The following RBBP8NL variants were observed in gnomAD, a reference collection of about 807,000 sequenced individuals.
RBBP8NL encodes RBBP8 N-terminal like.
RBBP8NL carries 59 observed loss-of-function variants against 62.2 expected under a neutral mutation model. That is an observed-to-expected ratio of 0.95 (90% confidence interval 0.77 to 1.18). The LOEUF (loss-of-function observed/expected upper bound fraction) is 1.18, where lower values mean the gene tolerates loss of function less well. Among genes scored for constraint, RBBP8NL ranks in the 50% most tolerant of loss-of-function variants. The pLI, the probability that RBBP8NL is intolerant of heterozygous loss-of-function variation, is 0.00. For synonymous variants in RBBP8NL, 412 were observed against 394.1 expected (o/e 1.05, Z -0.54); for missense variants, 896 against 899.5 (o/e 1.00, Z 0.05).
Position 62,417,211 on chromosome 20 carries a change from C to T in RBBP8NL, c.200+13G>A. 1 of 1,586,348 alleles carries T rather than the reference C, an allele frequency of 6.3e-7. No homozygotes were observed. Among genetic ancestry groups the T allele is most frequent in the East Asian group, 2.3e-5 (1 of 43,968 alleles). On this transcript the variant is annotated intron_variant, in intron 4 of 13. Coordinates refer to ENST00000252998, the MANE Select transcript of RBBP8NL (RefSeq NM_080833.3). ...GGTCCTGGCCATGCTGCGAGGTGTC[C>T]TCCCAGGCCCACCTGTTCTCCAGCA...
chr20:62,413,116 G>C (rs1428631258), intron 11 of RBBP8NL, among the ~76,000 whole-genome samples: 6 of 152,268 alleles, frequency 3.9e-5, no homozygotes, highest in Admixed American at 6.5e-5. Context: ...CCCCTGGCTT[G>C]GATGCTGCAT....
Position 62,417,982 on chromosome 20 carries a change from G to GC in RBBP8NL, c.104+440dup, listed in dbSNP as rs1227032118. ...GTGACGTCTGTCCTGTCCACACACC[G>GC]CCCCCCCTGTCATCTGCACGCTCCT... On this transcript the variant is annotated intron_variant, in intron 3 of 13. Coordinates refer to ENST00000252998, the MANE Select transcript of RBBP8NL (RefSeq NM_080833.3). Among the ~76,000 whole-genome samples the GC allele has an allele frequency of 1.0e-3, 85 of 83,334 alleles. 7 individuals carry two copies. Among genetic ancestry groups the GC allele is most frequent in the African/African-American group, 3.7e-3 (75 of 20,056 alleles). The allele number at this position is 83,334 out of a possible 152,430, so 54.7% of individuals were successfully genotyped here. A position where few individuals can be genotyped will look rare whatever the true frequency, so the allele number is the denominator to read the frequency against.
intron 1 of RBBP8NL, among the ~76,000 whole-genome samples, chr20:62,420,643 A>G (rs1320152357): frequency 6.6e-6 from 1 of 152,250 alleles, no homozygotes; most frequent in African/African-American, 2.4e-5. Flanking sequence ...CTGTGCAGAC[A>G]TAGAGACACA....
intron 1 of RBBP8NL, among the ~76,000 whole-genome samples, chr20:62,424,867 C>T (rs747643661): frequency 1.6e-4 from 24 of 152,138 alleles, no homozygotes; most frequent in Non-Finnish European, 2.5e-4. Context: ...TCTCAGAGCC[C>T]CAGCAGAGAG....
intron 10 of RBBP8NL, 96 bp from the exon 11 acceptor site, chr20:62,413,641 C>T (rs1056221552): frequency 3.5e-6 from 5 of 1,437,208 alleles, no homozygotes; most frequent in Admixed American, 2.6e-5. Context: ...CTTGAGGCTG[C>T]AGCTGGTGGA....
At chr20:62,425,566 C>A (rs1988786071) in intron 1 of RBBP8NL, among the ~76,000 whole-genome samples, 1 of 152,238 alleles carries the variant, frequency 6.6e-6, no homozygotes, top group African/African-American at 2.4e-5. Flanking sequence ...GATGCCTGTT[C>A]TTACCCTGTC....
At chr20:62,418,780 A>G (rs1346421176) in intron 2 of RBBP8NL, among the ~76,000 whole-genome samples, 1 of 151,966 alleles carries the variant, frequency 6.6e-6, no homozygotes, top group African/African-American at 2.4e-5. Context: ...CCGAGGGGCC[A>G]TTTTGTGTGT....
chr20:62,411,614 G>A (rs1390195432), intron 13 of RBBP8NL, among the ~76,000 whole-genome samples: 1 of 152,222 alleles, frequency 6.6e-6, no homozygotes, highest in Non-Finnish European at 1.5e-5. Flanking sequence ...CCACTCTTCT[G>A]GGGCACTAGG....
intron 2 of RBBP8NL, 34 bp downstream of exon 2, chr20:62,419,553 C>G: frequency 1.2e-6 from 2 of 1,610,834 alleles, no homozygotes; most frequent in Non-Finnish European, 8.5e-7. Flanking sequence ...GTGGAGACCC[C>G]TCCCTAGCCT....
Position 62,414,354 on chromosome 20 carries a change from G to A in RBBP8NL, c.997C>T (p.Pro333Ser). The change falls in exon 10 of 14, where the codon CCC becomes TCC. Residue 333 changes from proline to serine, a missense_variant. Transcript: ENST00000252998. ...KAREAEAWEE[P>S]TELLGLPSAL... ...CTGGGCAGCCCCAGCAGTTCTGTGG[G>A]CTCCTCCCAGGCCTCTGCTTCTCTG... 1 of 1,554,484 alleles carries A rather than the reference G, an allele frequency of 6.4e-7. No individual in the cohort carries two copies.
At chr20:62,425,698 C>T (rs908763873) in intron 1 of RBBP8NL, among the ~76,000 whole-genome samples, 31 of 152,244 alleles carry the variant, frequency 2.0e-4, no homozygotes, top group Non-Finnish European at 2.4e-4. Context: ...CACCAGTGCT[C>T]CAAGGACGTC....
rs568878182 is a variant in RBBP8NL at position 62,412,863 on chromosome 20, G to A, written c.1713C>T (p.Asp571=). ...CTGGGGTGTCTGTCTCATCCAGTTC[G>A]TCGGACTCTGGTCTCAGCACTTCAG... ...SKAEVLRPES[D]ELDETDTPGS... is the part of the protein sequence containing the mutation. Residue 571 remains aspartate (D), a synonymous_variant, in exon 12 of 14, where the codon GAC becomes GAT. Transcript: ENST00000252998. 2.5e-5 allele frequency: 41 copies of A among 1,613,512 alleles called. 1 individual carries two copies. The highest frequency in any genetic ancestry group is 2.1e-4 in the South Asian group (19 of 91,090).
chr20:62,415,280 TG>T lies in RBBP8NL; in HGVS notation c.634del (p.Gln212SerfsTer64). 2 of 1,570,830 alleles carry T rather than the reference TG, an allele frequency of 1.3e-6. No individual in the cohort carries two copies. The highest frequency in any genetic ancestry group is 8.6e-7 in the Non-Finnish European group (1 of 1,165,968). On this transcript the variant is annotated frameshift_variant, in exon 9 of 14. Coordinates refer to ENST00000252998, the MANE Select transcript of RBBP8NL (RefSeq NM_080833.3). LOFTEE classifies it high-confidence loss of function. ...PESRAPDMSP[Q>X]RISNQLHGTI... ...CCCGTGCAGCTGGTTGGAGATGCGC[TG>T]GGGGCTCTGTGAGGATGGGTGGGTC...
chr20:62,414,216 G>T lies in RBBP8NL; in HGVS notation c.1135C>A (p.Pro379Thr). The T allele has an allele frequency of 5.0e-6, 8 of 1,606,028 alleles. No homozygotes were observed. The highest frequency in any genetic ancestry group is 6.8e-6 in the Non-Finnish European group (8 of 1,177,620). The change falls in exon 10 of 14, where the codon CCC (proline) becomes ACC (threonine). Residue 379 changes from proline to threonine, a missense_variant. Transcript: ENST00000252998. Reference protein sequence around the residue: ...RAGSVRPRGQPTPGEMLPSLP... With the variant: ...RAGSVRPRGQTTPGEMLPSLP... Reference sequence around the variant, plus strand: ...GAGGGCAGCATCTCCCCGGGTGTGGGCTGGCCCCTTGGCCTGACACTGCCT... The same window carrying T: ...GAGGGCAGCATCTCCCCGGGTGTGGTCTGGCCCCTTGGCCTGACACTGCCT...
rs761243023 is a variant in RBBP8NL at position 62,414,331 on chromosome 20, G to T, written c.1020C>A (p.Pro340=). The change falls in exon 10 of 14, where the codon CCC becomes CCA. Residue 340 remains proline, a synonymous_variant. Coordinates refer to ENST00000252998, the MANE Select transcript of RBBP8NL (RefSeq NM_080833.3). The part of the protein sequence containing the change: ...WEEPTELLGL[P]SALAGMQDLR... ...GGTCCTGCATGCCCGCCAGGGCACT[G>T]GGCAGCCCCAGCAGTTCTGTGGGCT... is the stretch of plus-strand genomic sequence containing the variant. 1 of 1,558,702 alleles carries T rather than the reference G, an allele frequency of 6.4e-7. No homozygotes were observed.
chr20:62,417,367 C>T lies in RBBP8NL; in HGVS notation c.105-48G>A, dbSNP rs374300993. The T allele has an allele frequency of 2.8e-6, 4 of 1,440,130 alleles. No homozygotes were observed. In the East Asian group the frequency reaches 9.8e-5, roughly 35 times the overall value. 89.2% of individuals were successfully genotyped at this position (1,440,130 alleles called of 1,614,324 possible). On this transcript the variant is annotated intron_variant, in intron 3 of 13. Coordinates refer to ENST00000252998, the MANE Select transcript of RBBP8NL (RefSeq NM_080833.3). ...TGGGGTCCTGTTCCATCCAGGAAGCCACACGCTGTCCCCACCATCCAGCCT... is the reference window on the plus strand; with the variant it reads ...TGGGGTCCTGTTCCATCCAGGAAGCTACACGCTGTCCCCACCATCCAGCCT...
At position 62,415,906 on chromosome 20, in the gene RBBP8NL, G is replaced by T. The variant is rs771405515; in HGVS notation, c.426C>A (p.Asp142Glu). Reference protein sequence around the residue: ...PKPRAKEGTSDPPSPLLLPSP... With the variant: ...PKPRAKEGTSEPPSPLLLPSP... ...AGGGGAGCAGCAGGGGTGAGGGGGG[G>T]TCCGAGGTGCCCTCCTTGGCCCGGG... The change falls in exon 7 of 14, where the codon GAC becomes GAA. Residue 142 changes from aspartate (D) to glutamate (E), a missense_variant. By Grantham distance (45) the Asp-to-Glu change is conservative. Coordinates refer to ENST00000252998, the MANE Select transcript of RBBP8NL (RefSeq NM_080833.3). The T allele has an allele frequency of 2.5e-6, 4 of 1,584,798 alleles. No homozygotes were observed. Among genetic ancestry groups the T allele is most frequent in the East Asian group, 2.3e-5 (1 of 42,954 alleles).
At position 62,416,803 on chromosome 20, in the gene RBBP8NL, G is replaced by T. The variant is rs1358370023; in HGVS notation, c.270C>A (p.Phe90Leu). Residue 90 changes from phenylalanine (F) to leucine (L), a missense_variant, in exon 5 of 14, where the codon TTC (phenylalanine) becomes TTA (leucine). By Grantham distance (22) the Phe-to-Leu change is conservative. Transcript: ENST00000252998. ...GCAGGTTCTGCAGGTGGGAGCTCTCGAACTCCTGCTGCCGCTTCCTGGCCA... is the reference window on the plus strand; with the variant it reads ...GCAGGTTCTGCAGGTGGGAGCTCTCTAACTCCTGCTGCCGCTTCCTGGCCA... ...QELARKRQQE[F>L]ESSHLQNLQR... 6.3e-7 allele frequency: 1 copy of T among 1,590,300 alleles called. No homozygotes were observed. Among genetic ancestry groups the T allele is most frequent in the Non-Finnish European group, 8.6e-7 (1 of 1,168,208 alleles).
In RBBP8NL at chr20:62,420,350, G is replaced by A. The variant is rs1297578662; in HGVS notation, c.-83-620C>T. On this transcript the variant is annotated intron_variant, in intron 1 of 13. Transcript: ENST00000252998. ...TGGCAGCTTCAATCCTGTCCCACAGGCACACACACACACACACACACACAC... is the reference window on the plus strand; with the variant it reads ...TGGCAGCTTCAATCCTGTCCCACAGACACACACACACACACACACACACAC... Among the ~76,000 whole-genome samples the A allele has an allele frequency of 8.5e-5, 11 of 129,846 alleles. No individual in the cohort carries two copies. In the East Asian group the frequency reaches 2.3e-3, roughly 27 times the overall value. The allele number at this position is 129,846 out of a possible 152,430, so 85.2% of individuals were successfully genotyped here.
Sources: allele counts gnomAD v4.1 joint callset (sites outside exome capture counted in the v4.1 genomes callset), GRCh38; gene constraint gnomAD v4.1.1; transcripts MANE v1.5; gene names NCBI Gene and HGNC (gene_info 2026-07-23, HGNC 2026-07-21).